ABTB3: variants seen among roughly 807,000 people sequenced by gnomAD.
ABTB3 encodes the protein ankyrin repeat- and BTB/POZ domain-containing protein 3.
chr12:107,378,328 T>A, the ABTB3 span, among the ~76,000 whole-genome samples: 1 of 86,284 alleles, frequency 1.2e-5, no homozygotes, highest in Non-Finnish European at 2.8e-5. Flanking sequence ...CATTTGGCAA[T>A]GACTGCACCA....
chr12:107,519,559 C>T, the ABTB3 span, among the ~76,000 whole-genome samples: 7 of 152,290 alleles, frequency 4.6e-5, no homozygotes, highest in East Asian at 1.4e-3. Context: ...CTCAGGTGAT[C>T]TGCCTTCCCT....
the ABTB3 span, among the ~76,000 whole-genome samples, chr12:107,429,270 T>G: frequency 6.6e-6 from 1 of 152,220 alleles, no homozygotes. Flanking sequence ...AGCTGACCCT[T>G]GGCTATAGCT....
At chr12:107,325,489 G>T in the ABTB3 span, among the ~76,000 whole-genome samples, 3 of 152,234 alleles carry the variant, frequency 2.0e-5, no homozygotes, top group Non-Finnish European at 2.9e-5. Context: ...TCAGTAGAGG[G>T]TGATTTGGTT....
the ABTB3 span, among the ~76,000 whole-genome samples, chr12:107,475,190 G>A: frequency 6.6e-6 from 1 of 152,162 alleles, no homozygotes; most frequent in African/African-American, 2.4e-5. Flanking sequence ...TATGTTTTAA[G>A]GGACAATATC....
At chr12:107,642,001 G>T in the ABTB3 span, 1 of 1,193,384 alleles carries the variant, frequency 8.4e-7, no homozygotes, top group South Asian at 1.2e-5. Context: ...AAGAAACAAG[G>T]TATTTCCATT....
chr12:107,383,748 A>T, the ABTB3 span, among the ~76,000 whole-genome samples: 2 of 152,102 alleles, frequency 1.3e-5, no homozygotes, highest in African/African-American at 4.8e-5. Flanking sequence ...CATGATTATT[A>T]TTGTCATCTT....
chr12:107,323,477 C>G, the ABTB3 span, among the ~76,000 whole-genome samples: 1 of 152,148 alleles, frequency 6.6e-6, no homozygotes. Context: ...TGGGCATGAA[C>G]TTTGTGGTTA....
the ABTB3 span, among the ~76,000 whole-genome samples, chr12:107,438,900 A>G: frequency 1.3e-5 from 2 of 152,220 alleles, no homozygotes; most frequent in African/African-American, 2.4e-5. Flanking sequence ...TTACATGACC[A>G]TTCAAAAAAT....
the ABTB3 span, among the ~76,000 whole-genome samples, chr12:107,362,991 G>A: frequency 1.3e-5 from 2 of 152,104 alleles, no homozygotes; most frequent in Non-Finnish European, 2.9e-5. Flanking sequence ...TTTGAATCCC[G>A]GCAGCCTGAC....
the ABTB3 span, among the ~76,000 whole-genome samples, chr12:107,500,583 C>A: frequency 6.6e-6 from 1 of 152,178 alleles, no homozygotes; most frequent in African/African-American, 2.4e-5. Flanking sequence ...GCCGGTTACC[C>A]CCCACTCTCA....
the ABTB3 span, among the ~76,000 whole-genome samples, chr12:107,608,968 TATAAAATAAAATAAAATAAA>T: frequency 2.0e-5 from 2 of 101,806 alleles, no homozygotes; most frequent in African/African-American, 3.9e-5. Context: ...TAAAATAAAA[TATAAAATAAAATAAAATAAA>T]ATAAAATAAA....
the ABTB3 span, among the ~76,000 whole-genome samples, chr12:107,508,434 A>ATTTTTTTTTTTTTTTTTT: frequency 5.1e-4 from 30 of 58,728 alleles, no homozygotes; most frequent in Non-Finnish European, 8.3e-4. Context: ...CTCAAAGATC[A>ATTTTTTTTTTTTTTTTTT]TTTCTTTTTT....
the ABTB3 span, among the ~76,000 whole-genome samples, chr12:107,345,085 C>T: frequency 1.3e-5 from 2 of 152,166 alleles, no homozygotes; most frequent in Non-Finnish European, 2.9e-5. Context: ...CTTGCTTTTC[C>T]TGTTGCTCAG....
the ABTB3 span, among the ~76,000 whole-genome samples, chr12:107,570,096 G>T: frequency 6.6e-6 from 1 of 152,242 alleles, no homozygotes; most frequent in Non-Finnish European, 1.5e-5. Context: ...CTTCATGCTG[G>T]ATGGTCATGA....
At chr12:107,523,791 C>T in the ABTB3 span, among the ~76,000 whole-genome samples, 1 of 152,196 alleles carries the variant, frequency 6.6e-6, no homozygotes, top group Non-Finnish European at 1.5e-5. Context: ...AACTGCCACA[C>T]ATATGGGACT....
chr12:107,351,308 T>C, the ABTB3 span, among the ~76,000 whole-genome samples: 1 of 152,182 alleles, frequency 6.6e-6, no homozygotes, highest in African/African-American at 2.4e-5. Flanking sequence ...TAGCCCCAGG[T>C]CTTCTGATTG....
the ABTB3 span, among the ~76,000 whole-genome samples, chr12:107,648,189 T>C: frequency 6.6e-6 from 1 of 151,998 alleles, no homozygotes; most frequent in Non-Finnish European, 1.5e-5. Flanking sequence ...AAGACCAGCC[T>C]AGGCAACACA....
the ABTB3 span, among the ~76,000 whole-genome samples, chr12:107,525,776 C>T: frequency 6.6e-6 from 1 of 152,194 alleles, no homozygotes; most frequent in African/African-American, 2.4e-5. Context: ...ATGTCCAAAA[C>T]ACTTATCTTT....
At chr12:107,363,038 C>G in the ABTB3 span, among the ~76,000 whole-genome samples, 1 of 152,116 alleles carries the variant, frequency 6.6e-6, no homozygotes, top group Non-Finnish European at 1.5e-5. Context: ...GCTGCCTCCC[C>G]GTATCAGCAT....
Sources: allele counts gnomAD v4.1 joint callset (sites outside exome capture counted in the v4.1 genomes callset), GRCh38; gene constraint gnomAD v4.1.1; transcripts MANE v1.5; gene names NCBI Gene and HGNC (gene_info 2026-07-23, HGNC 2026-07-21).